Variants in IQCM observed in about 807,000 individuals in gnomAD.
IQCM encodes the protein IQ motif containing M, also known as IQ domain-containing protein M.
In IQCM, 45 loss-of-function variants were observed where a neutral mutation model predicts 57.6. That is an observed-to-expected ratio of 0.78 (90% CI 0.62 to 1.00). The LOEUF is 1.00. Among genes scored for constraint, IQCM ranks in the 50% least tolerant of loss-of-function variants. The probability of loss-of-function intolerance (pLI) is 0.00; values close to 1 mark genes in which losing one functional copy is unlikely to be tolerated. For synonymous variants in IQCM, 148 were observed against 158.9 expected (o/e 0.93, Z 0.51); for missense variants, 468 against 511.6 (o/e 0.91, Z 0.82).
At chr4:149,735,716 A>C (rs940561422) in intron 3 of IQCM, among the ~76,000 whole-genome samples, 1 of 152,198 alleles carries the variant, frequency 6.6e-6, no homozygotes, top group East Asian at 1.9e-4. Context: ...TACTGTATAG[A>C]AGATATAACA....
chr4:149,660,747 C>T (rs978555831), intron 7 of IQCM, among the ~76,000 whole-genome samples: 4 of 152,034 alleles, frequency 2.6e-5, no homozygotes, highest in African/African-American at 4.8e-5. Context: ...AAACCAAACA[C>T]CGCATGTTCT....
intron 2 of IQCM, among the ~76,000 whole-genome samples, chr4:149,783,757 T>C (rs1580288813): frequency 6.6e-6 from 1 of 152,164 alleles, no homozygotes; most frequent in Admixed American, 6.5e-5. Flanking sequence ...ATTGTGGGCT[T>C]GATGCAGTTA....
At position 149,792,662 on chromosome 4, in the gene IQCM, A is replaced by G. The variant is rs117671509; in HGVS notation, c.-49+22649T>C. Among the ~76,000 whole-genome samples the G allele has an allele frequency of 2.4e-4, 36 of 152,308 alleles. No homozygotes were observed. The East Asian group carries it at 5.2e-3, about 22-fold the overall frequency. The stretch of plus-strand genomic sequence containing the variant: ...CAGTCTCTACTTTTGTCTTTGGCCC[A>G]TCTTCATTTACCTTCTTTAGTATTC... On this transcript the variant is annotated intron_variant, in intron 2 of 13. Transcript: ENST00000636793.
intron 7 of IQCM, among the ~76,000 whole-genome samples, chr4:149,626,918 C>A (rs1443150831): frequency 6.6e-6 from 1 of 152,034 alleles, no homozygotes; most frequent in Non-Finnish European, 1.5e-5. Flanking sequence ...TGCTTAATAT[C>A]TCCCAAGGAA....
intron 13 of IQCM, among the ~76,000 whole-genome samples, chr4:149,369,566 T>C (rs1166430735): frequency 6.6e-6 from 1 of 152,216 alleles, no homozygotes; most frequent in Non-Finnish European, 1.5e-5. Context: ...ACTATGATGA[T>C]CTACCAGAAA....
chr4:149,581,906 T>C, intron 9 of IQCM, among the ~76,000 whole-genome samples: 1 of 151,588 alleles, frequency 6.6e-6, no homozygotes, highest in East Asian at 2.0e-4. Flanking sequence ...AGCCAGAATA[T>C]TTCTGTGTGT....
chr4:149,599,996 T>A (rs1356690727), intron 8 of IQCM, among the ~76,000 whole-genome samples: 10 of 152,294 alleles, frequency 6.6e-5, no homozygotes, highest in African/African-American at 1.2e-4. Flanking sequence ...AGTTATTTGC[T>A]TTTGAACATG....
At chr4:149,494,914 G>T (rs1285739985) in intron 12 of IQCM, among the ~76,000 whole-genome samples, 1 of 152,134 alleles carries the variant, frequency 6.6e-6, no homozygotes, top group Non-Finnish European at 1.5e-5. Context: ...GGAATGGGTT[G>T]TATGGGGCCA....
intron 13 of IQCM, among the ~76,000 whole-genome samples, chr4:149,422,844 TATAA>T (rs1327200159): frequency 3.9e-5 from 6 of 152,150 alleles, no homozygotes; most frequent in South Asian, 2.1e-4. Context: ...ATTCTATAGT[TATAA>T]ATAGTTTTAT....
At chr4:149,813,218 TGCTGTACTATTA>T (rs1774749771) in intron 2 of IQCM, among the ~76,000 whole-genome samples, 1 of 152,272 alleles carries the variant, frequency 6.6e-6, no homozygotes, top group Admixed American at 6.5e-5. Flanking sequence ...CACCAGACCC[TGCTGTACTATTA>T]GCTTCAGATC....
intron 7 of IQCM, among the ~76,000 whole-genome samples, chr4:149,633,077 C>A (rs1419063129): frequency 1.4e-5 from 2 of 140,668 alleles, no homozygotes; most frequent in Non-Finnish European, 3.0e-5. Flanking sequence ...AGGAGAATGG[C>A]GTGAACCCGG....
At chr4:149,424,997 A>G (rs548724515) in intron 13 of IQCM, among the ~76,000 whole-genome samples, 1 of 152,120 alleles carries the variant, frequency 6.6e-6, no homozygotes, top group East Asian at 1.9e-4. Flanking sequence ...CTAGAGTTAG[A>G]ATGAAATCCT....
intron 2 of IQCM, among the ~76,000 whole-genome samples, chr4:149,815,079 T>C (rs1336082171): frequency 2.6e-5 from 4 of 151,996 alleles, no homozygotes; most frequent in Non-Finnish European, 4.4e-5. Flanking sequence ...CTGTTGACAA[T>C]AGTCATAACA....
chr4:149,633,464 G>A (rs528472928), intron 7 of IQCM, among the ~76,000 whole-genome samples: 2 of 152,196 alleles, frequency 1.3e-5, no homozygotes, highest in East Asian at 1.9e-4. Flanking sequence ...AGCTCAGATA[G>A]CCACATGGAT....
intron 12 of IQCM, among the ~76,000 whole-genome samples, chr4:149,532,356 C>G (rs1327685429): frequency 6.6e-6 from 1 of 152,028 alleles, no homozygotes; most frequent in Non-Finnish European, 1.5e-5. Flanking sequence ...ACAAGAGATT[C>G]CATGTTTGAA....
chr4:149,370,888 T>TAACAAAA (rs201001248), intron 13 of IQCM, among the ~76,000 whole-genome samples: 27,368 of 152,004 alleles, frequency 0.18, 2,624 homozygotes, highest in South Asian at 0.33. Context: ...TGTTAATTCT[T>TAACAAAA]TATAGATAAA....
intron 13 of IQCM, among the ~76,000 whole-genome samples, chr4:149,366,114 T>C (rs1453375543): frequency 3.3e-5 from 5 of 152,052 alleles, no homozygotes; most frequent in African/African-American, 1.2e-4. Flanking sequence ...GAAAAGTTCA[T>C]TTAAAAAGTG....
At chr4:149,617,335 T>C (rs1189630576) in intron 8 of IQCM, among the ~76,000 whole-genome samples, 1 of 152,228 alleles carries the variant, frequency 6.6e-6, no homozygotes, top group African/African-American at 2.4e-5. Flanking sequence ...GGTGTTGGTA[T>C]TTTAAAAAAT....
chr4:149,425,882 T>A (rs998194309), intron 13 of IQCM, among the ~76,000 whole-genome samples: 3 of 152,068 alleles, frequency 2.0e-5, no homozygotes, highest in African/African-American at 7.2e-5. Flanking sequence ...TTATACAGAT[T>A]TATTTTATAA....
Sources: allele counts gnomAD v4.1 joint callset (sites outside exome capture counted in the v4.1 genomes callset), GRCh38; gene constraint gnomAD v4.1.1; transcripts MANE v1.5; gene names NCBI Gene and HGNC (gene_info 2026-07-23, HGNC 2026-07-21).